The following ITPR2 variants were observed in gnomAD, a reference collection of about 807,000 sequenced individuals.
ITPR2 encodes inositol 1,4,5-trisphosphate receptor type 2.
A neutral mutation model predicts 317.1 loss-of-function variants in ITPR2; 207 were observed. The observed-to-expected ratio is 0.65, with a 90% confidence interval of 0.58 to 0.73. The LOEUF is 0.73. Ranked by LOEUF, ITPR2 falls within the 30% of genes least tolerant of loss-of-function variation. The pLI, the probability that ITPR2 is intolerant of heterozygous loss-of-function variation, is 0.00. For synonymous variants in ITPR2, 1,156 were observed against 1,149.1 expected, an observed-to-expected ratio of 1.01 and a Z score of -0.12; for missense variants, 2,613 against 3,284.0, an observed-to-expected ratio of 0.80 and a Z score of 4.99.
intron 45 of ITPR2, among the ~76,000 whole-genome samples, chr12:26,450,476 C>T (rs1391435139): frequency 4.6e-5 from 7 of 152,132 alleles, no homozygotes; most frequent in African/African-American, 1.7e-4. Flanking sequence ...GAAGAAATAA[C>T]TGGTCTTCCC....
chr12:26,753,432 A>T (rs895223843), intron 2 of ITPR2, among the ~76,000 whole-genome samples: 5 of 152,104 alleles, frequency 3.3e-5, no homozygotes, highest in Non-Finnish European at 5.9e-5. Context: ...AAAAGGGGAA[A>T]CTTGAGAGCT....
intron 13 of ITPR2, among the ~76,000 whole-genome samples, chr12:26,681,431 G>A (rs952844902): frequency 6.6e-6 from 1 of 152,074 alleles, no homozygotes; most frequent in African/African-American, 2.4e-5. Context: ...ACTACACCCT[G>A]CAGATTTTTT....
chr12:26,492,942 TAA>T (rs1942845970), intron 39 of ITPR2, among the ~76,000 whole-genome samples: 2 of 134,328 alleles, frequency 1.5e-5, no homozygotes, highest in South Asian at 5.0e-4. Context: ...TATATATATA[TAA>T]AAGCATCAGA....
intron 2 of ITPR2, among the ~76,000 whole-genome samples, chr12:26,736,231 C>T (rs907919564): frequency 3.3e-5 from 5 of 152,136 alleles, no homozygotes; most frequent in Admixed American, 2.0e-4. Flanking sequence ...CTCCTGCTGC[C>T]TGAGAGGTCC....
At position 26,549,183 on chromosome 12, in the gene ITPR2, C is replaced by T. The variant is rs535704054; in HGVS notation, c.5073+1064G>A. ...TAAATATGAAAGCACGTTTTTGAGT[C>T]CTATCTTAGAGAAATATTTGCTAAA... is the stretch of plus-strand genomic sequence containing the variant. On this transcript the variant is annotated intron_variant, in intron 37 of 56. Coordinates refer to ENST00000381340, the MANE Select transcript of ITPR2 (RefSeq NM_002223.4). 3.9e-5 allele frequency among the ~76,000 whole-genome samples: 6 copies of T among 152,210 alleles called. No individual in the cohort carries two copies. In the South Asian group the frequency reaches 1.2e-3, roughly 32 times the overall value.
chr12:26,680,284 T>C (rs1236538428), intron 13 of ITPR2, among the ~76,000 whole-genome samples: 1 of 152,266 alleles, frequency 6.6e-6, no homozygotes, highest in East Asian at 1.9e-4. Flanking sequence ...ATTTTCTGTA[T>C]ATACATATGG....
intron 37 of ITPR2, among the ~76,000 whole-genome samples, chr12:26,544,190 T>C (rs1238141151): frequency 6.6e-6 from 1 of 152,154 alleles, no homozygotes; most frequent in Non-Finnish European, 1.5e-5. Context: ...AAATTTTCCT[T>C]TATTTATTTT....
intron 36 of ITPR2, among the ~76,000 whole-genome samples, chr12:26,551,509 G>C (rs1390208114): frequency 6.6e-6 from 1 of 152,220 alleles, no homozygotes. Context: ...CTGATCTCCT[G>C]AGTCTCAGGG....
chr12:26,484,088 T>C (rs7134258), intron 41 of ITPR2, among the ~76,000 whole-genome samples, 190 bp from the exon 42 acceptor site: 81,359 of 151,090 alleles, frequency 0.54, 26,160 homozygotes, highest in Non-Finnish European at 0.71. Flanking sequence ...TATATATATA[T>C]ACACACACAC....
chr12:26,359,764 C>A (rs562106056), intron 55 of ITPR2, among the ~76,000 whole-genome samples: 1 of 152,080 alleles, frequency 6.6e-6, no homozygotes, highest in South Asian at 2.1e-4. Context: ...ATGATGACAT[C>A]CCCAGAGTTA....
rs1270781320 is a variant in ITPR2 at position 26,538,072 on chromosome 12, T to C, written c.5073+12175A>G. On this transcript the variant is annotated intron_variant, in intron 37 of 56. Coordinates refer to ENST00000381340, the MANE Select transcript of ITPR2 (RefSeq NM_002223.4). ...TGTGAAATTCCTACAGCTTTGCAAA[T>C]TGATATCATCATAGAATGAGAGACA... Among the ~76,000 whole-genome samples the C allele has an allele frequency of 6.6e-5, 10 of 152,320 alleles. No homozygotes were observed. In the East Asian group the frequency reaches 1.9e-3, roughly 29 times the overall value.
chr12:26,506,447 G>T (rs192531203), intron 37 of ITPR2, among the ~76,000 whole-genome samples: 1 of 149,538 alleles, frequency 6.7e-6, no homozygotes, highest in East Asian at 2.0e-4. Flanking sequence ...AATCAAGGCT[G>T]CAGTGAGGCA....
At chr12:26,708,462 T>C (rs1259606093) in intron 9 of ITPR2, among the ~76,000 whole-genome samples, 1 of 152,220 alleles carries the variant, frequency 6.6e-6, no homozygotes, top group Non-Finnish European at 1.5e-5. Flanking sequence ...TGGATAAAAC[T>C]GGAGGACATT....
chr12:26,582,566 C>A (rs1945429894), intron 32 of ITPR2, among the ~76,000 whole-genome samples: 1 of 152,146 alleles, frequency 6.6e-6, no homozygotes, highest in South Asian at 2.1e-4. Context: ...ACCAATATTA[C>A]AAATCATTTT....
intron 8 of ITPR2, among the ~76,000 whole-genome samples, chr12:26,711,600 A>G (rs1360077923): frequency 6.6e-6 from 1 of 152,244 alleles, no homozygotes; most frequent in Non-Finnish European, 1.5e-5. Flanking sequence ...GCTTGCATTA[A>G]GAGCCCACTA....
chr12:26,708,765 T>C (rs1016852579), intron 9 of ITPR2, among the ~76,000 whole-genome samples: 3 of 152,188 alleles, frequency 2.0e-5, no homozygotes, highest in Non-Finnish European at 2.9e-5. Context: ...AGAATTGGAA[T>C]GTTCCTAATA....
chr12:26,653,241 C>CTT (rs774729786), intron 21 of ITPR2, among the ~76,000 whole-genome samples: 2,497 of 103,534 alleles, frequency 0.024, 55 homozygotes, highest in Non-Finnish European at 0.033. Flanking sequence ...TTGAATCTTT[C>CTT]TTTTTTTTTT....
At chr12:26,572,996 CATTTATTT>C (rs369855705) in intron 34 of ITPR2, among the ~76,000 whole-genome samples, 1,890 of 149,568 alleles carry the variant, frequency 0.013, 37 homozygotes, top group African/African-American at 0.037. Flanking sequence ...ACTTGGATTT[CATTTATTT>C]ATTTATTTAT....
At chr12:26,742,958 GTATACA>G (rs1949259380) in intron 2 of ITPR2, among the ~76,000 whole-genome samples, 1 of 152,182 alleles carries the variant, frequency 6.6e-6, no homozygotes, top group Non-Finnish European at 1.5e-5. Context: ...ATAGGCAAAT[GTATACA>G]GATGGAAAGG....
Sources: gnomAD v4.1 joint callset for allele counts (sites outside exome capture counted in the v4.1 genomes callset) on GRCh38, gnomAD v4.1.1 for gene constraint, MANE v1.5 for transcripts, NCBI Gene and HGNC (gene_info 2026-07-23, HGNC 2026-07-21) for gene names.